AKAP4: variants seen among roughly 807,000 people sequenced by gnomAD.
AKAP4 encodes the protein A-kinase anchor protein 4.
Under a neutral mutation model 42.6 loss-of-function variants are expected in AKAP4, and 4 were observed. The ratio of observed to expected loss-of-function variants is 0.09; its 90% CI spans 0.05 to 0.22. The LOEUF is 0.22. Among genes scored for constraint, AKAP4 ranks in the 10% least tolerant of loss-of-function variants. The probability of loss-of-function intolerance (pLI) is 1.00; values close to 1 mark genes in which losing one functional copy is unlikely to be tolerated. For missense variants in AKAP4, 551 were observed against 630.7 expected (o/e 0.87, Z 1.35); for synonymous variants, 223 against 233.0 (o/e 0.96, Z 0.39).
chrX:50,200,558 A>G (rs1251622121), intron 1 of AKAP4, among the ~76,000 whole-genome samples: 1 of 112,406 alleles, frequency 8.9e-6, no homozygotes, highest in African/African-American at 3.2e-5. Context: ...TATCTCTATG[A>G]GGGTACACAC....
At position 50,192,476 on chromosome X, in the gene AKAP4, G is replaced by A; in HGVS notation, c.2237C>T (p.Ala746Val). 8.3e-7 allele frequency: 1 copy of A among 1,210,320 alleles called. No individual in the cohort carries two copies. The highest frequency in any genetic ancestry group is 1.1e-6 in the Non-Finnish European group (1 of 894,902). ...FRGTRCIHSG[A>V]MPQNYQDSLG... ...AGAGTCTTGATAGTTCTGTGGCATT[G>A]CACCACTGTGAATGCATCTGGTGCC... Residue 746 changes from alanine (A) to valine (V), a missense_variant, in exon 5 of 6, where the codon GCA becomes GTA. Coordinates refer to ENST00000358526, the MANE Select transcript of AKAP4 (RefSeq NM_003886.3).
In AKAP4 at chrX:50,193,683, T is replaced by C. The variant is rs782194226; in HGVS notation, c.1030A>G (p.Met344Val). 4 of 1,210,492 alleles carry C rather than the reference T, an allele frequency of 3.3e-6. No individual in the cohort carries two copies. The highest frequency in any genetic ancestry group is 3.0e-5 in the East Asian group (1 of 33,771). ...MVYANQVASDMMVSLMKTLKV... is the reference protein window; with the variant it reads ...MVYANQVASDVMVSLMKTLKV... ...AAGGTCTTCATGAGAGAGACCATCA[T>C]GTCAGATGCCACCTGATTTGCATAA... The change falls in exon 5 of 6, where the codon ATG becomes GTG. Residue 344 changes from methionine to valine, a missense_variant. Transcript: ENST00000358526.
intron 1 of AKAP4, among the ~76,000 whole-genome samples, chrX:50,199,828 CT>C: frequency 1.8e-5 from 1 of 55,064 alleles, no homozygotes; most frequent in East Asian, 8.3e-4. Flanking sequence ...CTCCCCCTTT[CT>C]CCCCCTCCCC....
In AKAP4 at chrX:50,193,464, G is replaced by C. The variant is rs1569541755; in HGVS notation, c.1249C>G (p.Gln417Glu). ...VKRNLFNQWK[Q>E]NATDIMEAML... ...GCCTCCATGATGTCTGTAGCATTTTGTTTCCACTGGTTGAACAGATTTCTC... is the reference window on the plus strand; with the variant it reads ...GCCTCCATGATGTCTGTAGCATTTTCTTTCCACTGGTTGAACAGATTTCTC... The change falls in exon 5 of 6, where the codon CAA (glutamine) becomes GAA (glutamate). Residue 417 changes from glutamine (Q) to glutamate (E), a missense_variant. Physicochemically the swap from Gln to Glu is conservative, Grantham distance 29 (BLOSUM62 2). Transcript: ENST00000358526. 5.0e-6 allele frequency: 6 copies of C among 1,210,294 alleles called. No individual in the cohort carries two copies. The highest frequency in any genetic ancestry group is 3.5e-5 in the African/African-American group (2 of 57,238).
chrX:50,190,929 G>A lies in AKAP4; in HGVS notation c.*31C>T. 8.3e-7 allele frequency: 1 copy of A among 1,207,636 alleles called. No homozygotes were observed. The highest frequency in any genetic ancestry group is 1.1e-6 in the Non-Finnish European group (1 of 893,559). ...TGGCTGGGATGGAATGCTGCTAGGG[G>A]GGCTAAGATGAAGAGGAGTCAAGGA... On this transcript the variant is annotated 3_prime_UTR_variant, in exon 6 of 6. Coordinates refer to ENST00000358526, the MANE Select transcript of AKAP4 (RefSeq NM_003886.3).
At position 50,192,462 on chromosome X, in the gene AKAP4, A is replaced by G; in HGVS notation, c.2251T>C (p.Tyr751His). The change falls in exon 5 of 6, where the codon TAT becomes CAT. Residue 751 changes from tyrosine (Y) to histidine (H), a missense_variant. Coordinates refer to ENST00000358526, the MANE Select transcript of AKAP4 (RefSeq NM_003886.3). ...ACTTCATGTCCAAGAGAGTCTTGATAGTTCTGTGGCATTGCACCACTGTGA... is the reference window on the plus strand; with the variant it reads ...ACTTCATGTCCAAGAGAGTCTTGATGGTTCTGTGGCATTGCACCACTGTGA... Reference protein sequence around the residue: ...CIHSGAMPQNYQDSLGHEVIV... With the variant: ...CIHSGAMPQNHQDSLGHEVIV... The G allele has an allele frequency of 8.3e-7, 1 of 1,209,762 alleles. No homozygotes were observed. Among genetic ancestry groups the G allele is most frequent in the South Asian group, 1.8e-5 (1 of 56,507 alleles).
In AKAP4 at chrX:50,194,441, A is replaced by G. The variant is rs1557204163; in HGVS notation, c.277-5T>C. ...AAGGCATACAGATCCCTCTGTCTAA[A>G]AAAAGAAGAAGACCTATCCATAAGA... is the stretch of plus-strand genomic sequence containing the variant. On this transcript the variant is annotated splice_region_variant and splice_polypyrimidine_tract_variant and intron_variant, in intron 4 of 5. Transcript: ENST00000358526. The G allele has an allele frequency of 8.5e-7, 1 of 1,181,350 alleles. No individual in the cohort carries two copies. The highest frequency in any genetic ancestry group is 1.1e-6 in the Non-Finnish European group (1 of 878,918).
intron 1 of AKAP4, among the ~76,000 whole-genome samples, chrX:50,199,041 G>A (rs1935227542): frequency 9.0e-6 from 1 of 111,100 alleles, no homozygotes; most frequent in South Asian, 3.8e-4. Flanking sequence ...AAATTTAAAA[G>A]GAAATCTAGT....
intron 1 of AKAP4, 65 bp from the exon 2 acceptor site, chrX:50,198,817 G>T: frequency 2.3e-6 from 2 of 880,630 alleles, no homozygotes; most frequent in Non-Finnish European, 3.2e-6. Flanking sequence ...GGGTCAATTT[G>T]GATAAGAATC....
In AKAP4 at chrX:50,200,926, A is replaced by G; in HGVS notation, c.-37T>C. 21 of 1,182,258 alleles carry G rather than the reference A, an allele frequency of 1.8e-5. No homozygotes were observed. The highest frequency in any genetic ancestry group is 2.4e-5 in the Non-Finnish European group (21 of 869,681). On this transcript the variant is annotated 5_prime_UTR_variant, in exon 1 of 6. Transcript: ENST00000358526. ...GAATGATGTTTTCTTGTTGATTTGG[A>G]TGCTGTGATGACTCTTCCAGTCTGC...
chrX:50,192,843 T>C lies in AKAP4; in HGVS notation c.1870A>G (p.Met624Val). The change falls in exon 5 of 6, where the codon ATG becomes GTG. Residue 624 changes from methionine (M) to valine (V), a missense_variant. By Grantham distance (21) the Met-to-Val change is conservative (BLOSUM62 1). Transcript: ENST00000358526. ...KENQHLDSQKMDMSNIVLMLI... is the reference protein window; with the variant it reads ...KENQHLDSQKVDMSNIVLMLI... ...ATTAGAACGATGTTTGACATATCCA[T>C]TTTCTGGGAGTCCAGGTGTTGGTTC... The C allele has an allele frequency of 8.3e-7, 1 of 1,211,738 alleles. No individual in the cohort carries two copies.
At position 50,200,566 on chromosome X, in the gene AKAP4, C is replaced by G. The variant is rs1011113723; in HGVS notation, c.27+297G>C. Among the ~76,000 whole-genome samples the G allele has an allele frequency of 2.7e-5, 3 of 112,388 alleles. No individual in the cohort carries two copies. The Admixed American group carries it at 2.8e-4, about 11-fold the overall frequency. The stretch of plus-strand genomic sequence containing the variant: ...TTTCTGTTATCTCTATGAGGGTACA[C>G]ACCATTTTTCTCACATTTTCTCTGG... On this transcript the variant is annotated intron_variant, in intron 1 of 5. Coordinates refer to ENST00000358526, the MANE Select transcript of AKAP4 (RefSeq NM_003886.3).
rs1935154319 is a variant in AKAP4, at chrX:50,193,953, A to G, written c.760T>C (p.Ser254Pro). Residue 254 changes from serine (S) to proline (P), a missense_variant, in exon 5 of 6, where the codon TCC becomes CCC. Physicochemically the swap from Ser to Pro is moderately conservative, Grantham distance 74. Transcript: ENST00000358526. ...SKCLHHSICPSPGNKERISPR... is the reference protein window; with the variant it reads ...SKCLHHSICPPPGNKERISPR... ...CTGATTCTCTCTTTGTTCCCAGGGG[A>G]TGGACAGATTGAATGATGAAGGCAT... The G allele has an allele frequency of 8.3e-7, 1 of 1,211,285 alleles. No homozygotes were observed. Among genetic ancestry groups the G allele is most frequent in the Non-Finnish European group, 1.1e-6 (1 of 895,326 alleles).
chrX:50,192,791 T>A lies in AKAP4; in HGVS notation c.1922A>T (p.Asn641Ile), dbSNP rs1557203848. The change falls in exon 5 of 6, where the codon AAC becomes ATC. Residue 641 changes from asparagine to isoleucine, a missense_variant. Transcript: ENST00000358526. The part of the protein sequence containing the change: ...LMLIQKLLNE[N>I]PFKCEDPCEG... The stretch of plus-strand genomic sequence containing the variant: ...GCATGGATCCTCACATTTGAAGGGG[T>A]TCTCATTAAGCAGTTTCTGAATCAG... The A allele has an allele frequency of 8.3e-7, 1 of 1,209,459 alleles. No individual in the cohort carries two copies. The highest frequency in any genetic ancestry group is 1.1e-6 in the Non-Finnish European group (1 of 895,095).
chrX:50,192,980 A>G lies in AKAP4; in HGVS notation c.1733T>C (p.Met578Thr), dbSNP rs1935133200. 2.5e-6 allele frequency: 3 copies of G among 1,210,076 alleles called. No homozygotes were observed. The highest frequency in any genetic ancestry group is 3.5e-5 in the African/African-American group (2 of 57,155). ...EDCPGSTMGY[M>T]AQSTQYEKCG... ...CTTTTCATATTGAGTACTCTGAGCC[A>G]TATAGCCCATGGTGGAACCAGGACA... is the stretch of plus-strand genomic sequence containing the variant. The change falls in exon 5 of 6, where the codon ATG (methionine) becomes ACG (threonine). Residue 578 changes from methionine to threonine, a missense_variant. Coordinates refer to ENST00000358526, the MANE Select transcript of AKAP4 (RefSeq NM_003886.3).
chrX:50,192,361 G>A lies in AKAP4; in HGVS notation c.2352C>T (p.Ser784=), dbSNP rs782187538. The A allele has an allele frequency of 1.0e-5, 12 of 1,205,732 alleles. No homozygotes were observed. Among genetic ancestry groups the A allele is most frequent in the Admixed American group, 2.2e-5 (1 of 45,303 alleles). Residue 784 remains serine, a synonymous_variant, in exon 5 of 6, where the codon TCC becomes TCT. Transcript: ENST00000358526. ...LQAVLQWIAA[S]QFNVPMLYFM... ...AGTAGAGCATGGGCACGTTAAACTG[G>A]GAGGCTGCAATCCACTGCAGGACAG...
intron 5 of AKAP4, among the ~76,000 whole-genome samples, chrX:50,191,662 G>GAGAA (rs1557203619): frequency 5.0e-4 from 10 of 20,120 alleles, no homozygotes; most frequent in South Asian, 7.2e-3. Context: ...GTGTGTGTGA[G>GAGAA]AGAGAGAAAG....
intron 4 of AKAP4, among the ~76,000 whole-genome samples, chrX:50,195,377 A>C (rs1380133948): frequency 8.9e-6 from 1 of 112,213 alleles, no homozygotes; most frequent in Non-Finnish European, 1.9e-5. Context: ...ACGAACAAAC[A>C]AGTGTGTTAG....
rs782187338 is a variant in AKAP4 at position 50,191,670 on chromosome X, A to AAGAGAGAGAG, written c.2410-565_2410-556dup. Among the ~76,000 whole-genome samples, 21 of 90,018 alleles carry AAGAGAGAGAG rather than the reference A, an allele frequency of 2.3e-4. 1 individual carries two copies. The highest frequency in any genetic ancestry group is 5.7e-4 in the South Asian group (1 of 1,753). The allele number at this position is 90,018 out of a possible 115,157, so 78.2% of individuals were successfully genotyped here. On this transcript the variant is annotated intron_variant, in intron 5 of 5. Coordinates refer to ENST00000358526, the MANE Select transcript of AKAP4 (RefSeq NM_003886.3). ...TGTGTGTGTGTGTGTGAGAGAGAGA[A>AAGAGAGAGAG]AGAGAGAGAGAGAGAGACAGAGAGA...
Sources: allele counts gnomAD v4.1 joint callset (sites outside exome capture counted in the v4.1 genomes callset), GRCh38; gene constraint gnomAD v4.1.1; transcripts MANE v1.5; gene names NCBI Gene and HGNC (gene_info 2026-07-23, HGNC 2026-07-21).